SNTG1: variants seen among roughly 807,000 people sequenced by gnomAD.
The protein encoded by SNTG1 is gamma-1-syntrophin.
In SNTG1, 39 loss-of-function variants were observed where a neutral mutation model predicts 74.7. The observed-to-expected ratio is 0.52, with a 90% confidence interval of 0.40 to 0.68. The LOEUF (loss-of-function observed/expected upper bound fraction) is 0.68, where lower values mean the gene tolerates loss of function less well. Ranked by LOEUF, SNTG1 falls within the 30% of genes least tolerant of loss-of-function variation. The pLI is 0.00. For missense variants in SNTG1, 685 were observed against 609.5 expected, an observed-to-expected ratio of 1.12 and a Z score of -1.30; for synonymous variants, 254 against 217.1, an observed-to-expected ratio of 1.17 and a Z score of -1.49.
chr8:50,021,796 C>A (rs1463598737), intron 1 of SNTG1, among the ~76,000 whole-genome samples: 1 of 148,702 alleles, frequency 6.7e-6, no homozygotes, highest in Non-Finnish European at 1.5e-5. Flanking sequence ...TAAAAATTAG[C>A]CAGGCATGGT....
At chr8:50,259,056 A>G (rs1338220604) in intron 2 of SNTG1, among the ~76,000 whole-genome samples, 6 of 152,194 alleles carry the variant, frequency 3.9e-5, no homozygotes, top group African/African-American at 7.2e-5. Flanking sequence ...TAAGATACAA[A>G]GGGATCACCA....
At chr8:49,990,293 C>G (rs1006608257) in intron 1 of SNTG1, among the ~76,000 whole-genome samples, 1 of 151,728 alleles carries the variant, frequency 6.6e-6, no homozygotes, top group Admixed American at 6.6e-5. Context: ...ATTACAACAC[C>G]AACAAAAGGA....
chr8:50,090,283 C>T (rs1454922118), intron 1 of SNTG1, among the ~76,000 whole-genome samples: 2 of 152,158 alleles, frequency 1.3e-5, no homozygotes, highest in African/African-American at 4.8e-5. Context: ...TGGCTCACGA[C>T]TTGTAACCGA....
In SNTG1 at chr8:50,536,789, C is replaced by T. The variant is rs2130403964; in HGVS notation, c.661C>T (p.Pro221Ser). ...TCATTCGCGCTTCTCTCAGTATGTGCCCGGCACAGATTTGAGTCGGTGAGT... is the reference window on the plus strand; with the variant it reads ...TCATTCGCGCTTCTCTCAGTATGTGTCCGGCACAGATTTGAGTCGGTGAGT... Reference protein sequence around the residue: ...LLHSRFSQYVPGTDLSRQNAF... With the variant: ...LLHSRFSQYVSGTDLSRQNAF... The change falls in exon 11 of 19, where the codon CCC (proline) becomes TCC (serine). Residue 221 changes from proline to serine, a missense_variant. Pro to Ser is a moderately conservative substitution (Grantham distance 74, BLOSUM62 -1). Coordinates refer to ENST00000642720, the MANE Select transcript of SNTG1 (RefSeq NM_018967.5). 5.0e-6 allele frequency: 8 copies of T among 1,613,928 alleles called. No individual in the cohort carries two copies. The highest frequency in any genetic ancestry group is 6.8e-6 in the Non-Finnish European group (8 of 1,179,836).
intron 2 of SNTG1, among the ~76,000 whole-genome samples, chr8:50,316,980 A>T (rs2090341650): frequency 6.6e-6 from 1 of 152,234 alleles, no homozygotes; most frequent in Admixed American, 6.5e-5. Flanking sequence ...TTCACTGCTA[A>T]AGAAGCAATG....
chr8:50,750,432 A>G lies in SNTG1; in HGVS notation c.1285-1569A>G, dbSNP rs115653948. ...ATTAATTTAGTTGATAAACAGCAGC[A>G]GGATTTGAGTGAATTGACTGCAGTT... On this transcript the variant is annotated intron_variant, in intron 17 of 18. Transcript: ENST00000642720. 2.3e-3 allele frequency among the ~76,000 whole-genome samples: 355 copies of G among 152,208 alleles called. 2 individuals carry two copies. The highest frequency in any genetic ancestry group is 8.2e-3 in the African/African-American group (339 of 41,570).
chr8:50,781,588 C>A lies in SNTG1; in HGVS notation c.1396-11083C>A, dbSNP rs565726333. Among the ~76,000 whole-genome samples, 32 of 152,242 alleles carry A rather than the reference C, an allele frequency of 2.1e-4. No homozygotes were observed. The South Asian group carries it at 6.6e-3, about 32-fold the overall frequency. ...CTTCCTCCATCCTTTTATTTTGAATCTATGTGTGTCTCTGCATGTGAGATG... is the reference window on the plus strand; with the variant it reads ...CTTCCTCCATCCTTTTATTTTGAATATATGTGTGTCTCTGCATGTGAGATG... On this transcript the variant is annotated intron_variant, in intron 18 of 18. Transcript: ENST00000642720.
chr8:50,145,299 T>A (rs2081818157), intron 1 of SNTG1, among the ~76,000 whole-genome samples: 1 of 152,136 alleles, frequency 6.6e-6, no homozygotes, highest in African/African-American at 2.4e-5. Flanking sequence ...ATATGAAAAA[T>A]CTATATACAA....
intron 4 of SNTG1, among the ~76,000 whole-genome samples, chr8:50,410,205 C>G (rs760210132): frequency 2.6e-5 from 4 of 152,148 alleles, no homozygotes; most frequent in Admixed American, 6.5e-5. Context: ...TGTATCTAGA[C>G]TAGTGCACCT....
chr8:50,313,003 C>G (rs914132092), intron 2 of SNTG1, among the ~76,000 whole-genome samples: 1 of 149,486 alleles, frequency 6.7e-6, no homozygotes, highest in Non-Finnish European at 1.5e-5. Context: ...TCTACAGATT[C>G]AATACAATCC....
intron 2 of SNTG1, among the ~76,000 whole-genome samples, chr8:50,277,921 C>T (rs2088208498): frequency 6.6e-6 from 1 of 152,166 alleles, no homozygotes; most frequent in African/African-American, 2.4e-5. Context: ...CACCTGTAAT[C>T]CCAGCACTTT....
At chr8:50,558,774 T>G (rs2094470902) in intron 12 of SNTG1, among the ~76,000 whole-genome samples, 1 of 152,040 alleles carries the variant, frequency 6.6e-6, no homozygotes, top group Admixed American at 6.6e-5. Context: ...GGAAATATTT[T>G]TTAAAAGTCC....
chr8:49,965,901 T>C (rs918077792), intron 1 of SNTG1, among the ~76,000 whole-genome samples: 1 of 152,196 alleles, frequency 6.6e-6, no homozygotes, highest in Non-Finnish European at 1.5e-5. Flanking sequence ...TTTCTTTCAG[T>C]CTATATGGAA....
chr8:50,047,141 C>A (rs1241509804), intron 1 of SNTG1, among the ~76,000 whole-genome samples: 2 of 151,938 alleles, frequency 1.3e-5, no homozygotes, highest in African/African-American at 4.8e-5. Context: ...GCTCAGGAGA[C>A]CAACCTGGAC....
At chr8:50,456,317 AG>A (rs1444915547) in intron 8 of SNTG1, among the ~76,000 whole-genome samples, 1 of 151,988 alleles carries the variant, frequency 6.6e-6, no homozygotes, top group Non-Finnish European at 1.5e-5. Flanking sequence ...AATTTTGCAA[AG>A]CTCCATCTAG....
At chr8:49,953,035 T>C (rs1809861941) in intron 1 of SNTG1, among the ~76,000 whole-genome samples, 1 of 152,184 alleles carries the variant, frequency 6.6e-6, no homozygotes, top group South Asian at 2.1e-4. Flanking sequence ...AGTATAGGGC[T>C]CTGAGGAGTC....
intron 3 of SNTG1, among the ~76,000 whole-genome samples, chr8:50,401,492 A>C (rs2092804964): frequency 6.6e-6 from 1 of 152,204 alleles, no homozygotes; most frequent in Admixed American, 6.5e-5. Context: ...GGCATCAAAA[A>C]TCTTGGGTCT....
At chr8:50,228,182 C>A (rs964623685) in intron 2 of SNTG1, among the ~76,000 whole-genome samples, 6 of 151,716 alleles carry the variant, frequency 4.0e-5, no homozygotes, top group Admixed American at 2.0e-4. Flanking sequence ...TGAAGAATAT[C>A]TTTGCTGTTC....
At chr8:49,981,775 A>G (rs1300583636) in intron 1 of SNTG1, among the ~76,000 whole-genome samples, 1 of 152,182 alleles carries the variant, frequency 6.6e-6, no homozygotes, top group Non-Finnish European at 1.5e-5. Flanking sequence ...CATATAAAAT[A>G]TTTTGCTTTC....
Sources: allele counts gnomAD v4.1 joint callset (sites outside exome capture counted in the v4.1 genomes callset), GRCh38; gene constraint gnomAD v4.1.1; transcripts MANE v1.5; gene names NCBI Gene and HGNC (gene_info 2026-07-23, HGNC 2026-07-21).